COPZ1: variants seen among roughly 807,000 people sequenced by gnomAD.
COPZ1 encodes coat protein complex I subunit zeta 1.
COPZ1 carries 4 observed loss-of-function variants against 31.7 expected under a neutral mutation model. The observed-to-expected ratio is 0.13, with a 90% confidence interval of 0.06 to 0.29. COPZ1 has a LOEUF of 0.29. COPZ1 is among the 10% of genes least tolerant of loss of function. COPZ1 has a pLI of 1.00. For missense variants in COPZ1, 156 were observed against 211.5 expected (o/e 0.74, Z 1.63); for synonymous variants, 74 against 79.0 (o/e 0.94, Z 0.33).
intron 1 of COPZ1, among the ~76,000 whole-genome samples, chr12:54,331,772 G>A (rs1024181157): frequency 6.6e-6 from 1 of 152,088 alleles, no homozygotes; most frequent in African/African-American, 2.4e-5. Context: ...CGTGACCCAG[G>A]ACTCATCAGG....
At chr12:54,342,314 C>G in intron 3 of COPZ1, 27 bp downstream of exon 3, 8 of 1,540,976 alleles carry the variant, frequency 5.2e-6, no homozygotes, top group Non-Finnish European at 7.2e-6. Flanking sequence ...TCACTACTAC[C>G]CGTGCTGGGG....
In COPZ1 at chr12:54,350,684, C is replaced by A; in HGVS notation, c.*161C>A. 3.1e-6 allele frequency: 2 copies of A among 646,350 alleles called. No individual in the cohort carries two copies. The highest frequency in any genetic ancestry group is 5.6e-6 in the Non-Finnish European group (2 of 355,088). The allele number at this position is 646,350 out of a possible 1,614,324, so 40.0% of individuals were successfully genotyped here. A position where few individuals can be genotyped will look rare whatever the true frequency, so the allele number is the denominator to read the frequency against. ...GTGGTTGCCCCCTCAACCTCCCCTA[C>A]ACCCTTCCTATTCTTTTTCATTCTT... On this transcript the variant is annotated 3_prime_UTR_variant, in exon 9 of 9. Transcript: ENST00000262061.
Position 54,350,866 on chromosome 12 carries a change from T to C in COPZ1, c.*343T>C, listed in dbSNP as rs1003039606. Reference sequence around the variant, plus strand: ...GCTGTAGCTACACTTCAGATTAAAGTAGGAGAAAGAATGTGCTGAGTGTTT... The same window carrying C: ...GCTGTAGCTACACTTCAGATTAAAGCAGGAGAAAGAATGTGCTGAGTGTTT... On this transcript the variant is annotated 3_prime_UTR_variant, in exon 9 of 9. Coordinates refer to ENST00000262061, the MANE Select transcript of COPZ1 (RefSeq NM_016057.3). 3.2e-6 allele frequency: 1 copy of C among 313,370 alleles called. No individual in the cohort carries two copies. The highest frequency in any genetic ancestry group is 4.3e-5 in the South Asian group (1 of 23,064). 19.4% of individuals were successfully genotyped at this position (313,370 alleles called of 1,614,324 possible). A position where few individuals can be genotyped will look rare whatever the true frequency, so the allele number is the denominator to read the frequency against.
intron 1 of COPZ1, among the ~76,000 whole-genome samples, chr12:54,338,610 A>C (rs2137098878): frequency 6.6e-6 from 1 of 152,346 alleles, no homozygotes; most frequent in Admixed American, 6.5e-5. Context: ...TGGAGGTCTA[A>C]TTATAAGTAG....
intron 5 of COPZ1, 100 bp downstream of exon 5, chr12:54,345,615 A>C (rs1422680930): frequency 4.3e-6 from 4 of 924,240 alleles, no homozygotes; most frequent in Non-Finnish European, 6.9e-6. Flanking sequence ...CTTCAGGCCC[A>C]GGGATTGTAG....
chr12:54,346,900 C>T (rs1187444774), intron 5 of COPZ1, among the ~76,000 whole-genome samples: 1 of 152,018 alleles, frequency 6.6e-6, no homozygotes, highest in Non-Finnish European at 1.5e-5. Flanking sequence ...TGCCATTTAC[C>T]CTCTCCTCCC....
chr12:54,350,536 T>C lies in COPZ1; in HGVS notation c.*13T>C. The C allele has an allele frequency of 2.5e-6, 4 of 1,611,858 alleles. No homozygotes were observed. The highest frequency in any genetic ancestry group is 3.4e-6 in the Non-Finnish European group (4 of 1,177,896). On this transcript the variant is annotated 3_prime_UTR_variant, in exon 9 of 9. Transcript: ENST00000262061. ...ACTCCTTCGGTGAAGACCTCACTGT[T>C]CCTGGCTCTTCATCCTCTTCAAAAA...
chr12:54,335,031 G>A (rs1403289449), intron 1 of COPZ1, among the ~76,000 whole-genome samples: 1 of 151,946 alleles, frequency 6.6e-6, no homozygotes, highest in Non-Finnish European at 1.5e-5. Context: ...AAAATCAGCT[G>A]GGCATGGTGG....
At chr12:54,325,327 C>T (rs1270148556) in intron 1 of COPZ1, 146 bp downstream of exon 1, 3 of 1,085,908 alleles carry the variant, frequency 2.8e-6, no homozygotes, top group Non-Finnish European at 1.3e-6. Context: ...AAGTGTGTGG[C>T]CTAGTGTAGG....
chr12:54,333,254 C>T (rs1398422418), intron 1 of COPZ1, among the ~76,000 whole-genome samples: 2 of 152,088 alleles, frequency 1.3e-5, no homozygotes, highest in African/African-American at 4.8e-5. Flanking sequence ...CCATGTTGCC[C>T]AGGCTGGCCT....
rs1393706466 is a variant in COPZ1, at chr12:54,350,760, G to A, written c.*237G>A. 6 of 571,936 alleles carry A rather than the reference G, an allele frequency of 1.0e-5. No homozygotes were observed. Among genetic ancestry groups the A allele is most frequent in the Non-Finnish European group, 3.1e-6 (1 of 318,352 alleles). The allele number at this position is 571,936 out of a possible 1,614,324, so 35.4% of individuals were successfully genotyped here. On this transcript the variant is annotated 3_prime_UTR_variant, in exon 9 of 9. Coordinates refer to ENST00000262061, the MANE Select transcript of COPZ1 (RefSeq NM_016057.3). ...CAGCATATTTAGATAATAGGGCAGGGGAAGCACCCTCTTTCTTTCTAGACT... is the reference window on the plus strand; with the variant it reads ...CAGCATATTTAGATAATAGGGCAGGAGAAGCACCCTCTTTCTTTCTAGACT...
intron 1 of COPZ1, among the ~76,000 whole-genome samples, chr12:54,328,386 A>T (rs567173338): frequency 6.6e-6 from 1 of 152,046 alleles, no homozygotes; most frequent in East Asian, 1.9e-4. Flanking sequence ...CCTGACCAAC[A>T]TGGTGAAACC....
chr12:54,336,719 A>G (rs943895097), intron 1 of COPZ1, among the ~76,000 whole-genome samples: 5 of 151,022 alleles, frequency 3.3e-5, no homozygotes, highest in Admixed American at 3.3e-4. Context: ...GCTTTTCACC[A>G]GGCTTTAGAA....
rs141933010 is a variant in COPZ1, at chr12:54,349,145, G to A, written c.448-475G>A. Among the ~76,000 whole-genome samples the A allele has an allele frequency of 6.6e-5, 10 of 152,114 alleles. No homozygotes were observed. The East Asian group carries it at 1.2e-3, about 18-fold the overall frequency. ...AGAGGGTCCCCCCCATCAACTCCCC[G>A]CTTTGTCTTCTTAGGCTGCTGTTGC... On this transcript the variant is annotated intron_variant, in intron 7 of 8. Coordinates refer to ENST00000262061, the MANE Select transcript of COPZ1 (RefSeq NM_016057.3).
chr12:54,349,510 G>A, intron 7 of COPZ1, 110 bp from the exon 8 acceptor site: 1 of 872,546 alleles, frequency 1.1e-6, no homozygotes, highest in Non-Finnish European at 2.0e-6. Context: ...CAGTGCATCT[G>A]CCCTTTGTTT....
At chr12:54,345,661 T>C in intron 5 of COPZ1, 146 bp downstream of exon 5, 1 of 660,710 alleles carries the variant, frequency 1.5e-6, no homozygotes, top group Non-Finnish European at 2.6e-6. Context: ...TGATTTAGTT[T>C]TAGAAGTTGG....
chr12:54,337,983 G>A (rs1010843524), intron 1 of COPZ1, among the ~76,000 whole-genome samples: 1 of 152,192 alleles, frequency 6.6e-6, no homozygotes, highest in African/African-American at 2.4e-5. Context: ...TGTGGCTGTT[G>A]TAGGCACTCA....
chr12:54,328,791 C>T (rs1034713690), intron 1 of COPZ1, among the ~76,000 whole-genome samples: 3 of 152,090 alleles, frequency 2.0e-5, no homozygotes, highest in East Asian at 1.9e-4. Context: ...CTATGTAATG[C>T]GGTTAGGGAC....
intron 3 of COPZ1, chr12:54,342,535 A>C: frequency 1.9e-6 from 1 of 517,462 alleles, no homozygotes; most frequent in East Asian, 3.4e-5. Flanking sequence ...CACTTGACAA[A>C]TTTAATTGCA....
Sources: allele counts gnomAD v4.1 joint callset (sites outside exome capture counted in the v4.1 genomes callset), GRCh38; gene constraint gnomAD v4.1.1; transcripts MANE v1.5; gene names NCBI Gene and HGNC (gene_info 2026-07-23, HGNC 2026-07-21).